Variants in AFG2A observed in about 807,000 individuals in gnomAD.
The protein encoded by AFG2A is AAA ATPase AFG2A.
At chr4:123,194,365 AT>A in the AFG2A span, among the ~76,000 whole-genome samples, 1 of 152,192 alleles carries the variant, frequency 6.6e-6, no homozygotes, top group African/African-American at 2.4e-5. Flanking sequence ...AAGCTTGCTA[AT>A]TTGTTTTGGG....
chr4:123,032,403 T>A, the AFG2A span, among the ~76,000 whole-genome samples: 1 of 152,162 alleles, frequency 6.6e-6, no homozygotes, highest in Non-Finnish European at 1.5e-5. Flanking sequence ...TCCTTTTTTT[T>A]TTCCTCTGAG....
the AFG2A span, among the ~76,000 whole-genome samples, chr4:123,110,312 G>A: frequency 6.6e-6 from 1 of 152,126 alleles, no homozygotes; most frequent in Non-Finnish European, 1.5e-5. Context: ...TTGGTAAGGA[G>A]AACAGTATTC....
chr4:123,121,261 T>TA, the AFG2A span, among the ~76,000 whole-genome samples: 3,277 of 86,030 alleles, frequency 0.038, 74 homozygotes, highest in Non-Finnish European at 0.074. Flanking sequence ...AAAAAAAAAA[T>TA]AATAAATAAA....
At chr4:123,289,727 G>A in the AFG2A span, among the ~76,000 whole-genome samples, 2 of 152,106 alleles carry the variant, frequency 1.3e-5, no homozygotes, top group East Asian at 1.9e-4. Context: ...TATTCTGACC[G>A]GGGTAAGATG....
the AFG2A span, among the ~76,000 whole-genome samples, chr4:122,937,364 T>C: frequency 6.6e-6 from 1 of 152,144 alleles, no homozygotes; most frequent in Non-Finnish European, 1.5e-5. Context: ...TTTTGTATTT[T>C]TTTTTCTAGC....
chr4:122,934,804 ATGTAATGAT>A, the AFG2A span: 1 of 1,488,872 alleles, frequency 6.7e-7, no homozygotes, highest in Non-Finnish European at 9.0e-7. Flanking sequence ...GTTGACACTT[ATGTAATGAT>A]TGCTCATCCT....
the AFG2A span, among the ~76,000 whole-genome samples, chr4:123,313,652 C>T: frequency 1.3e-5 from 2 of 152,202 alleles, no homozygotes; most frequent in Non-Finnish European, 2.9e-5. Flanking sequence ...TTTTGGCACT[C>T]CTGGTTCTGA....
At chr4:123,034,940 A>G in the AFG2A span, among the ~76,000 whole-genome samples, 1 of 152,204 alleles carries the variant, frequency 6.6e-6, no homozygotes, top group Non-Finnish European at 1.5e-5. Context: ...AGAGTCATGA[A>G]GAAGATTGTG....
the AFG2A span, chr4:122,934,800 A>G: frequency 6.7e-7 from 1 of 1,498,502 alleles, no homozygotes; most frequent in Non-Finnish European, 8.9e-7. Context: ...GACAGTTGAC[A>G]CTTATGTAAT....
the AFG2A span, among the ~76,000 whole-genome samples, chr4:123,124,649 C>CA: frequency 7.2e-5 from 11 of 151,790 alleles, no homozygotes; most frequent in Middle Eastern, 3.4e-3. Flanking sequence ...AAAACAACAA[C>CA]AAAAAAAACC....
chr4:123,268,254 C>G, the AFG2A span, among the ~76,000 whole-genome samples: 1 of 151,890 alleles, frequency 6.6e-6, no homozygotes, highest in Non-Finnish European at 1.5e-5. Flanking sequence ...ACCAGAAGCT[C>G]TAAAATAGAA....
chr4:122,998,082 C>T, the AFG2A span, among the ~76,000 whole-genome samples: 2 of 151,960 alleles, frequency 1.3e-5, no homozygotes, highest in Non-Finnish European at 2.9e-5. Context: ...ATTTATTTTT[C>T]CAGTTAGTTG....
At chr4:122,992,983 T>TGTGTGTGTGTG in the AFG2A span, among the ~76,000 whole-genome samples, 1 of 149,008 alleles carries the variant, frequency 6.7e-6, no homozygotes, top group African/African-American at 2.6e-5. Context: ...TGTATGTGTG[T>TGTGTGTGTGTG]GTGTGTGTGT....
chr4:123,135,386 A>T, the AFG2A span, among the ~76,000 whole-genome samples: 1 of 152,240 alleles, frequency 6.6e-6, no homozygotes, highest in African/African-American at 2.4e-5. Context: ...TTTCTTTTGA[A>T]CATAGTTCTG....
chr4:123,257,439 T>C, the AFG2A span, among the ~76,000 whole-genome samples: 3 of 152,306 alleles, frequency 2.0e-5, no homozygotes, highest in East Asian at 5.8e-4. Context: ...CTTAGACATA[T>C]TCAACTGATG....
At chr4:123,308,164 G>A in the AFG2A span, among the ~76,000 whole-genome samples, 2 of 152,252 alleles carry the variant, frequency 1.3e-5, no homozygotes, top group Admixed American at 1.3e-4. Context: ...AATAACAAAA[G>A]CATAGCTGTA....
the AFG2A span, among the ~76,000 whole-genome samples, chr4:122,939,073 T>C: frequency 0.75 from 56,049 of 74,322 alleles, 19,785 homozygotes; most frequent in South Asian, 0.86. Flanking sequence ...GATATGTTCT[T>C]TCTTTTTTTT....
chr4:123,220,714 C>T, the AFG2A span, among the ~76,000 whole-genome samples: 2 of 150,300 alleles, frequency 1.3e-5, no homozygotes, highest in Non-Finnish European at 3.0e-5. Context: ...ATTCTAGTTG[C>T]TAGTGATTTT....
At chr4:123,070,617 C>G in the AFG2A span, among the ~76,000 whole-genome samples, 1 of 152,156 alleles carries the variant, frequency 6.6e-6, no homozygotes, top group Admixed American at 6.5e-5. Context: ...TACATGAGGG[C>G]TCCACCTTCA....
Sources: allele counts gnomAD v4.1 joint callset (sites outside exome capture counted in the v4.1 genomes callset), GRCh38; gene constraint gnomAD v4.1.1; transcripts MANE v1.5; gene names NCBI Gene and HGNC (gene_info 2026-07-23, HGNC 2026-07-21).